The following ARHGAP26 variants were observed in gnomAD, a reference collection of about 807,000 sequenced individuals.
The protein encoded by ARHGAP26 is Rho GTPase activating protein 26.
A neutral mutation model predicts 104.8 loss-of-function variants in ARHGAP26; 38 were observed. That is an observed-to-expected ratio of 0.36 (90% CI 0.28 to 0.48). The LOEUF (loss-of-function observed/expected upper bound fraction) is 0.48, where lower values mean the gene tolerates loss of function less well. Ranked by LOEUF, ARHGAP26 falls within the 20% of genes least tolerant of loss-of-function variation. ARHGAP26 has a pLI of 0.99. For missense variants in ARHGAP26, 704 were observed against 947.9 expected (o/e 0.74, Z 3.38); for synonymous variants, 341 against 340.0 (o/e 1.00, Z -0.03).
chr5:143,053,260 T>C (rs1460370580), intron 14 of ARHGAP26, among the ~76,000 whole-genome samples: 2 of 152,186 alleles, frequency 1.3e-5, no homozygotes, highest in African/African-American at 2.4e-5. Context: ...AGAGAGTTGA[T>C]ATACTTTTGG....
At chr5:142,907,873 A>G in intron 9 of ARHGAP26, 69 bp downstream of exon 9, 1 of 1,060,864 alleles carries the variant, frequency 9.4e-7, no homozygotes. Flanking sequence ...ATGCATGTAT[A>G]AAGTAACACC....
intron 11 of ARHGAP26, among the ~76,000 whole-genome samples, chr5:142,976,660 A>T (rs1431618470): frequency 6.6e-6 from 1 of 152,242 alleles, no homozygotes; most frequent in Admixed American, 6.5e-5. Context: ...ATATTTTTTT[A>T]CATGCCAAAA....
chr5:143,048,753 A>G (rs1028291256), intron 14 of ARHGAP26, among the ~76,000 whole-genome samples: 8 of 151,632 alleles, frequency 5.3e-5, no homozygotes, highest in Non-Finnish European at 4.4e-5. Context: ...ATCTCTACTA[A>G]AAATACAAAA....
chr5:143,106,055 G>T (rs1247250290), intron 17 of ARHGAP26, among the ~76,000 whole-genome samples: 1 of 152,014 alleles, frequency 6.6e-6, no homozygotes, highest in Non-Finnish European at 1.5e-5. Context: ...AGCCCAAAGG[G>T]TCTTTTTAAA....
rs757046482 is a variant in ARHGAP26 at position 143,037,268 on chromosome 5, T to C, written c.1210+7T>C. 5 of 1,591,528 alleles carry C rather than the reference T, an allele frequency of 3.1e-6. No individual in the cohort carries two copies. Among genetic ancestry groups the C allele is most frequent in the Admixed American group, 3.4e-5 (2 of 59,582 alleles). On this transcript the variant is annotated splice_region_variant and intron_variant, in intron 13 of 22. Transcript: ENST00000645722. ...CATGCTGTGGAAACCAGAGGTAAAG[T>C]AGTTTAACAGATGGCATTGTTCTCA...
intron 11 of ARHGAP26, among the ~76,000 whole-genome samples, chr5:142,990,496 C>A (rs927857311): frequency 6.6e-6 from 1 of 152,218 alleles, no homozygotes; most frequent in African/African-American, 2.4e-5. Context: ...CTTTGTTCCA[C>A]TGCTGGTGAG....
chr5:143,167,482 C>CAAAA (rs6149274), intron 20 of ARHGAP26, among the ~76,000 whole-genome samples: 1 of 60,094 alleles, frequency 1.7e-5, no homozygotes, highest in Non-Finnish European at 2.8e-5. Flanking sequence ...GACTCCATCT[C>CAAAA]AAAAAAAAAA....
chr5:143,070,504 G>A (rs1159913784), intron 17 of ARHGAP26, among the ~76,000 whole-genome samples: 2 of 152,176 alleles, frequency 1.3e-5, no homozygotes, highest in Non-Finnish European at 2.9e-5. Flanking sequence ...AAATTGAAGA[G>A]AATACAAACA....
At chr5:143,184,241 G>C (rs1804815211) in intron 20 of ARHGAP26, among the ~76,000 whole-genome samples, 1 of 152,182 alleles carries the variant, frequency 6.6e-6, no homozygotes, top group Non-Finnish European at 1.5e-5. Flanking sequence ...CTGCCCATTA[G>C]GGGGTAGAGA....
chr5:142,885,431 T>C, intron 5 of ARHGAP26, 32 bp downstream of exon 5: 1 of 1,566,694 alleles, frequency 6.4e-7, no homozygotes, highest in Non-Finnish European at 8.8e-7. Flanking sequence ...CTGAATAAAG[T>C]GTTCAATTTG....
intron 1 of ARHGAP26, among the ~76,000 whole-genome samples, chr5:142,772,026 T>C (rs1216062546): frequency 6.6e-6 from 1 of 152,226 alleles, no homozygotes; most frequent in Non-Finnish European, 1.5e-5. Context: ...ACTGTATCTG[T>C]TTCTGTGATG....
At chr5:143,091,742 G>A (rs1327423945) in intron 17 of ARHGAP26, among the ~76,000 whole-genome samples, 1 of 152,156 alleles carries the variant, frequency 6.6e-6, no homozygotes, top group Non-Finnish European at 1.5e-5. Context: ...TTAAAGAGCA[G>A]GTTAGTGCTT....
At position 142,913,215 on chromosome 5, in the gene ARHGAP26, T is replaced by C. The variant is rs560873813; in HGVS notation, c.950T>C (p.Val317Ala). Reference protein sequence around the residue: ...SGGKGGEDESVILKSCTRRKT... With the variant: ...SGGKGGEDESAILKSCTRRKT... ...TCCCACTAGGGAGAAGATGAATCAG[T>C]TATCCTCAAATCCTGCACACGGCGG... The change falls in exon 10 of 23, where the codon GTT (valine) becomes GCT (alanine). Residue 317 changes from valine (V) to alanine (A), a missense_variant. This residue lies in a region of ARHGAP26 where 287 missense variants were observed against 438.8 expected (regional missense o/e 0.65). Coordinates refer to ENST00000645722, the MANE Select transcript of ARHGAP26 (RefSeq NM_001135608.3). 17 of 1,614,144 alleles carry C rather than the reference T, an allele frequency of 1.1e-5. No individual in the cohort carries two copies. In the South Asian group the frequency reaches 1.9e-4, roughly 18 times the overall value.
At chr5:142,978,747 CTT>C (rs11375975) in intron 11 of ARHGAP26, among the ~76,000 whole-genome samples, 5,346 of 124,646 alleles carry the variant, frequency 0.043, 141 homozygotes, top group African/African-American at 0.13. Flanking sequence ...AGGAGTTTGC[CTT>C]TTTTTTTTTT....
At chr5:142,796,133 A>G (rs1489341432) in intron 1 of ARHGAP26, among the ~76,000 whole-genome samples, 1 of 151,844 alleles carries the variant, frequency 6.6e-6, no homozygotes, top group Non-Finnish European at 1.5e-5. Context: ...AAGGGCAAAG[A>G]TGTTTGCCAT....
At chr5:142,907,435 G>A (rs779929692) in intron 8 of ARHGAP26, 19 of 206,906 alleles carry the variant, frequency 9.2e-5, no homozygotes, top group African/African-American at 2.5e-4. Flanking sequence ...CTTTACTTCC[G>A]TTGTATTTTA....
intron 17 of ARHGAP26, among the ~76,000 whole-genome samples, chr5:143,068,224 C>T (rs533232771): frequency 1.3e-5 from 2 of 152,226 alleles, no homozygotes; most frequent in South Asian, 2.1e-4. Flanking sequence ...GGGTCAATCA[C>T]GTAATGGAAA....
At position 142,856,842 on chromosome 5, in the gene ARHGAP26, G is replaced by A. The variant is rs527661262; in HGVS notation, c.155-16558G>A. Among the ~76,000 whole-genome samples the A allele has an allele frequency of 2.0e-5, 3 of 152,300 alleles. No individual in the cohort carries two copies. The East Asian group carries it at 5.8e-4, about 29-fold the overall frequency. On this transcript the variant is annotated intron_variant, in intron 1 of 22. Transcript: ENST00000645722. ...AGATACTTGAGCATCCATGGATTTT[G>A]TTATCTGTGGGGAGTCCTGGAACTA...
rs80204110 is a variant in ARHGAP26 at position 142,794,391 on chromosome 5, C to T, written c.154+23476C>T. On this transcript the variant is annotated intron_variant, in intron 1 of 22. Transcript: ENST00000645722. ...AATACAGAAGGAGGGGGGACAGAGG[C>T]CAAGGCAACGCAGTTACTCCACACT... 5.7e-3 allele frequency among the ~76,000 whole-genome samples: 874 copies of T among 152,218 alleles called. 18 individuals are homozygous for T. In the East Asian group the frequency reaches 0.063, roughly 11 times the overall value.
Sources: allele counts gnomAD v4.1 joint callset (sites outside exome capture counted in the v4.1 genomes callset), GRCh38; gene constraint gnomAD v4.1.1; regional missense constraint gnomAD v4.1.1; transcripts MANE v1.5; gene names NCBI Gene and HGNC (gene_info 2026-07-23, HGNC 2026-07-21).